FOCAD: variants seen among roughly 807,000 people sequenced by gnomAD.
FOCAD encodes KIAA1797.
FOCAD carries 198 observed loss-of-function variants against 225.6 expected under a neutral mutation model. The ratio of observed to expected loss-of-function variants is 0.88; its 90% CI spans 0.78 to 0.99. FOCAD has a LOEUF of 0.99. Among genes scored for constraint, FOCAD ranks in the 50% least tolerant of loss-of-function variants. The probability of loss-of-function intolerance (pLI) is 0.00; values close to 1 mark genes in which losing one functional copy is unlikely to be tolerated. For missense variants in FOCAD, 2,713 were observed against 2,123.6 expected (o/e 1.28, Z -5.46); for synonymous variants, 897 against 755.0 (o/e 1.19, Z -3.08).
Position 20,765,019 on chromosome 9 carries a change from A to G in FOCAD, c.645A>G (p.Ser215=), listed in dbSNP as rs1423755288. Residue 215 remains serine, a synonymous_variant, in exon 7 of 44, where the codon TCA becomes TCG. Transcript: ENST00000338382. ...TTCTTTGTGACAAAGATCAACCATCAATACTGGAACAGCAGATACTTCAAC... is the reference window on the plus strand; with the variant it reads ...TTCTTTGTGACAAAGATCAACCATCGATACTGGAACAGCAGATACTTCAAC... ...PQVLCDKDQP[S]ILEQQILQLC... The G allele has an allele frequency of 6.2e-7, 1 of 1,614,116 alleles. No individual in the cohort carries two copies. The highest frequency in any genetic ancestry group is 1.1e-5 in the South Asian group (1 of 91,082).
chr9:20,929,707 T>C, intron 27 of FOCAD, 111 bp downstream of exon 27: 1 of 843,484 alleles, frequency 1.2e-6, no homozygotes, highest in Non-Finnish European at 1.9e-6. Flanking sequence ...ATGTGTTTGC[T>C]AAACTTTCTG....
chr9:20,743,845 A>T (rs527401904), intron 5 of FOCAD, among the ~76,000 whole-genome samples: 2 of 152,322 alleles, frequency 1.3e-5, no homozygotes, highest in South Asian at 4.1e-4. Flanking sequence ...GTGAGCTTCA[A>T]GGTCCCCTTT....
At chr9:20,696,147 T>C (rs961680906) in intron 1 of FOCAD, among the ~76,000 whole-genome samples, 2 of 152,254 alleles carry the variant, frequency 1.3e-5, no homozygotes, top group Non-Finnish European at 2.9e-5. Context: ...CCTTCACTCT[T>C]CCCACATTTC....
intron 1 of FOCAD, among the ~76,000 whole-genome samples, chr9:20,691,683 T>C (rs1822989634): frequency 6.6e-6 from 1 of 151,622 alleles, no homozygotes; most frequent in African/African-American, 2.4e-5. Flanking sequence ...GGTTTCACCA[T>C]GTTAGCCAGG....
At chr9:20,773,484 TA>T (rs1818440227) in intron 8 of FOCAD, among the ~76,000 whole-genome samples, 1 of 152,166 alleles carries the variant, frequency 6.6e-6, no homozygotes, top group South Asian at 2.1e-4. Context: ...ATAAGGCAAA[TA>T]GCACATAGAT....
chr9:20,986,413 G>C lies in FOCAD; in HGVS notation c.4854G>C (p.Trp1618Cys), dbSNP rs1335969672. The C allele has an allele frequency of 7.4e-6, 12 of 1,613,160 alleles. No individual in the cohort carries two copies. Among genetic ancestry groups the C allele is most frequent in the African/African-American group, 4.0e-5 (3 of 74,900 alleles). ...VQHREKEVLAWMILHSLYQAR... is the reference protein window; with the variant it reads ...VQHREKEVLACMILHSLYQAR... ...ACCGTGAGAAAGAGGTGTTGGCCTG[G>C]ATGATTCTGCACAGCTTATACCAGG... The change falls in exon 40 of 44, where the codon TGG becomes TGC. Residue 1618 changes from tryptophan to cysteine, a missense_variant. By Grantham distance (215) the Trp-to-Cys change is radical. Coordinates refer to ENST00000338382, the MANE Select transcript of FOCAD (RefSeq NM_001375567.1).
intron 35 of FOCAD, among the ~76,000 whole-genome samples, chr9:20,953,761 T>C (rs1178267521): frequency 6.6e-6 from 1 of 152,246 alleles, no homozygotes; most frequent in African/African-American, 2.4e-5. Flanking sequence ...GTTACCGTGA[T>C]ATTCTTTCAT....
At chr9:20,839,926 C>T (rs1036612055) in intron 15 of FOCAD, among the ~76,000 whole-genome samples, 1 of 152,050 alleles carries the variant, frequency 6.6e-6, no homozygotes, top group Non-Finnish European at 1.5e-5. Context: ...TATCCTTTCC[C>T]CAGTGTATGT....
Position 20,882,075 on chromosome 9 carries a change from A to T in FOCAD, c.2503+19A>T. The T allele has an allele frequency of 6.3e-7, 1 of 1,587,388 alleles. No individual in the cohort carries two copies. Among genetic ancestry groups the T allele is most frequent in the Non-Finnish European group, 8.6e-7 (1 of 1,169,258 alleles). On this transcript the variant is annotated intron_variant, in intron 20 of 43. Coordinates refer to ENST00000338382, the MANE Select transcript of FOCAD (RefSeq NM_001375567.1). Reference sequence around the variant, plus strand: ...CTTGCAGGTAAGGGTAGTACATAGTATCAAAAATACAGGTTTTTCATGTAA... The same window carrying T: ...CTTGCAGGTAAGGGTAGTACATAGTTTCAAAAATACAGGTTTTTCATGTAA...
chr9:20,862,141 C>G (rs1390054652), intron 15 of FOCAD, among the ~76,000 whole-genome samples: 9 of 151,994 alleles, frequency 5.9e-5, no homozygotes, highest in Non-Finnish European at 1.2e-4. Flanking sequence ...CTCCAATTTT[C>G]TGAGTGGTGA....
At chr9:20,918,653 G>A in intron 24 of FOCAD, among the ~76,000 whole-genome samples, 2 of 151,810 alleles carry the variant, frequency 1.3e-5, no homozygotes, top group East Asian at 3.9e-4. Flanking sequence ...GAACCCGGGA[G>A]GCGGAGCTTG....
chr9:20,682,720 C>T (rs1264240503), upstream of FOCAD, among the ~76,000 whole-genome samples: 1 of 152,122 alleles, frequency 6.6e-6, no homozygotes, highest in Non-Finnish European at 1.5e-5. Flanking sequence ...TTATAAAACT[C>T]CTTTGAAGCA....
intron 15 of FOCAD, among the ~76,000 whole-genome samples, chr9:20,830,055 G>A (rs1825330613): frequency 6.6e-6 from 1 of 151,974 alleles, no homozygotes; most frequent in Admixed American, 6.6e-5. Context: ...TAGTAGTCAG[G>A]ACTCAAACCT....
intron 1 of FOCAD, among the ~76,000 whole-genome samples, chr9:20,715,108 G>A (rs1326101421): frequency 6.6e-6 from 1 of 152,124 alleles, no homozygotes; most frequent in Non-Finnish European, 1.5e-5. Context: ...AAAACCAAGA[G>A]CTGTTGGGCA....
intron 1 of FOCAD, among the ~76,000 whole-genome samples, 175 bp from the exon 2 acceptor site, chr9:20,715,147 T>C (rs1041565526): frequency 6.6e-6 from 1 of 152,200 alleles, no homozygotes; most frequent in Admixed American, 6.5e-5. Flanking sequence ...ATCATGACAT[T>C]TGAGTGCTGG....
In FOCAD at chr9:20,912,875, G is replaced by C. The variant is rs1050546959; in HGVS notation, c.2728G>C (p.Gly910Arg). ...GCTGTGATTTTTGCAGGGAAGACTA[G>C]GAGAGCTGGAGTTGCAGTTAAAACA... ...AYHAILQGRL[G>R]ELELQLKHGK... The change falls in exon 23 of 44, where the codon GGA (glycine) becomes CGA (arginine). Residue 910 changes from glycine (G) to arginine (R), a missense_variant. Transcript: ENST00000338382. 5 of 1,612,958 alleles carry C rather than the reference G, an allele frequency of 3.1e-6. No homozygotes were observed. Among genetic ancestry groups the C allele is most frequent in the Non-Finnish European group, 4.2e-6 (5 of 1,179,402 alleles).
chr9:20,706,925 T>G (rs1345465004), intron 1 of FOCAD, among the ~76,000 whole-genome samples: 1 of 152,206 alleles, frequency 6.6e-6, no homozygotes, highest in Non-Finnish European at 1.5e-5. Flanking sequence ...GTGTCTAGGC[T>G]GTTGCCCAGA....
intron 16 of FOCAD, chr9:20,863,421 A>G (rs1317271499): frequency 2.0e-5 from 3 of 152,072 alleles, no homozygotes; most frequent in African/African-American, 7.2e-5. Context: ...TATGTTTTAG[A>G]TCATCTGACT....
chr9:20,658,116 G>C (rs1237472481), upstream of FOCAD, among the ~76,000 whole-genome samples: 2 of 150,850 alleles, frequency 1.3e-5, no homozygotes. Context: ...GGACCCACTT[G>C]AGGAGGCAGT....
Sources: gnomAD v4.1 joint callset for allele counts (sites outside exome capture counted in the v4.1 genomes callset) on GRCh38, gnomAD v4.1.1 for gene constraint, MANE v1.5 for transcripts, NCBI Gene and HGNC (gene_info 2026-07-23, HGNC 2026-07-21) for gene names.